SLC35D1: variants seen among roughly 807,000 people sequenced by gnomAD.
SLC35D1 encodes the protein solute carrier family 35 member D1, also known as nucleotide sugar transporter SLC35D1.
Under a neutral mutation model 46.7 loss-of-function variants are expected in SLC35D1, and 31 were observed. The ratio of observed to expected loss-of-function variants is 0.66; its 90% CI spans 0.50 to 0.90. The LOEUF (loss-of-function observed/expected upper bound fraction) is 0.90. SLC35D1 is among the 40% of genes least tolerant of loss of function. The probability of loss-of-function intolerance (pLI) is 0.00; values close to 1 mark genes in which losing one functional copy is unlikely to be tolerated. For synonymous variants in SLC35D1, 195 were observed against 164.6 expected, an observed-to-expected ratio of 1.18 and a Z score of -1.41; for missense variants, 397 against 426.2, an observed-to-expected ratio of 0.93 and a Z score of 0.60.
the SLC35D1 span, among the ~76,000 whole-genome samples, chr1:66,976,268 C>T: frequency 1.3e-5 from 2 of 152,230 alleles, no homozygotes; most frequent in Admixed American, 6.5e-5. Context: ...TCCCAAAGTG[C>T]TGGGATTACA....
the SLC35D1 span, among the ~76,000 whole-genome samples, chr1:66,993,317 T>C: frequency 6.6e-6 from 1 of 152,138 alleles, no homozygotes; most frequent in Non-Finnish European, 1.5e-5. Flanking sequence ...AGTTTGCAAT[T>C]TGTTGTACCA....
intron 8 of SLC35D1, among the ~76,000 whole-genome samples, chr1:67,041,773 C>A (rs1037416838): frequency 2.0e-5 from 3 of 151,748 alleles, no homozygotes; most frequent in African/African-American, 7.3e-5. Flanking sequence ...TGCTAAATAT[C>A]TCCTGAGAAA....
At chr1:66,979,341 C>T in the SLC35D1 span, among the ~76,000 whole-genome samples, 1 of 152,108 alleles carries the variant, frequency 6.6e-6, no homozygotes, top group Non-Finnish European at 1.5e-5. Context: ...TTTTCTCATC[C>T]TTCTTTTTAG....
intron 8 of SLC35D1, among the ~76,000 whole-genome samples, chr1:67,030,621 C>T (rs898722024): frequency 6.6e-6 from 1 of 151,782 alleles, no homozygotes; most frequent in Non-Finnish European, 1.5e-5. Flanking sequence ...ATCAGTGGTT[C>T]AGTAATCAGA....
chr1:66,977,572 A>G, the SLC35D1 span, among the ~76,000 whole-genome samples: 2 of 152,162 alleles, frequency 1.3e-5, no homozygotes, highest in African/African-American at 4.8e-5. Context: ...TCTTTATGTA[A>G]AATGTCTGAT....
the SLC35D1 span, chr1:66,982,034 A>G: frequency 2.3e-5 from 23 of 993,760 alleles, no homozygotes; most frequent in East Asian, 5.0e-5. Context: ...GTAAAAAATG[A>G]TAACACATGA....
At position 67,049,839 on chromosome 1, in the gene SLC35D1, G is replaced by T; in HGVS notation, c.476C>A (p.Ser159Tyr). The T allele has an allele frequency of 4.3e-6, 7 of 1,613,260 alleles. No homozygotes were observed. The highest frequency in any genetic ancestry group is 5.9e-6 in the Non-Finnish European group (7 of 1,179,600). Residue 159 changes from serine to tyrosine, a missense_variant, in exon 6 of 12, where the codon TCT (serine) becomes TAT (tyrosine). By Grantham distance (144) the Ser-to-Tyr change is moderately radical (BLOSUM62 -2). Transcript: ENST00000235345. The stretch of plus-strand genomic sequence containing the variant: ...AAATACAGTCATTTTAATACCCCAA[G>T]AAAAAGTCTTCCTACAAAACAAAAA... ...AEGVLLKKTF[S>Y]WGIKMTVFAM...
chr1:67,027,723 T>C (rs767732631), intron 8 of SLC35D1, among the ~76,000 whole-genome samples: 2 of 152,240 alleles, frequency 1.3e-5, no homozygotes, highest in South Asian at 2.1e-4. Flanking sequence ...TCCTATGTTG[T>C]AGTTTTTTTG....
the SLC35D1 span, chr1:66,988,475 T>C: frequency 6.6e-6 from 1 of 152,344 alleles, no homozygotes; most frequent in Non-Finnish European, 1.5e-5. Context: ...ACTCTTGTCA[T>C]GTACCCTTAG....
intron 4 of SLC35D1, among the ~76,000 whole-genome samples, chr1:67,051,486 T>C (rs961368213): frequency 6.6e-5 from 10 of 152,236 alleles, no homozygotes; most frequent in African/African-American, 2.4e-4. Context: ...ATTGCTTCTT[T>C]CTGAAAATAA....
At chr1:67,053,696 C>T (rs1645337207) in intron 1 of SLC35D1, 115 bp downstream of exon 1, 5 of 1,075,590 alleles carry the variant, frequency 4.6e-6, no homozygotes, top group Non-Finnish European at 6.1e-6. Context: ...CCCCAGCTCC[C>T]GCCCAACTTT....
chr1:67,043,976 G>GAA (rs1218258881), intron 7 of SLC35D1, among the ~76,000 whole-genome samples: 1 of 152,162 alleles, frequency 6.6e-6, no homozygotes, highest in Non-Finnish European at 1.5e-5. Flanking sequence ...TGACTGATGA[G>GAA]AAAAGTCGAA....
At chr1:67,027,372 TTTCTA>T (rs1253223773) in intron 8 of SLC35D1, among the ~76,000 whole-genome samples, 1 of 152,180 alleles carries the variant, frequency 6.6e-6, no homozygotes, top group African/African-American at 2.4e-5. Context: ...ATTGCATTGA[TTTCTA>T]TTCTTATCTT....
chr1:66,989,836 A>G, the SLC35D1 span, among the ~76,000 whole-genome samples: 1 of 152,248 alleles, frequency 6.6e-6, no homozygotes, highest in Non-Finnish European at 1.5e-5. Flanking sequence ...GATCAGGTAG[A>G]GAACTGCATC....
chr1:67,036,466 G>A (rs1668125185), intron 8 of SLC35D1, among the ~76,000 whole-genome samples: 1 of 151,816 alleles, frequency 6.6e-6, no homozygotes, highest in African/African-American at 2.4e-5. Flanking sequence ...TCCAGTGTTG[G>A]GTGCATATAT....
At chr1:67,018,085 A>G (rs1384065153) in intron 10 of SLC35D1, among the ~76,000 whole-genome samples, 1 of 152,194 alleles carries the variant, frequency 6.6e-6, no homozygotes, top group Admixed American at 6.5e-5. Context: ...TACATTGAAA[A>G]AGGCCAAAAA....
the SLC35D1 span, among the ~76,000 whole-genome samples, chr1:66,982,386 C>G: frequency 6.6e-6 from 1 of 152,140 alleles, no homozygotes. Context: ...AAGCCGGTAT[C>G]AACCTGTATA....
At position 67,003,347 on chromosome 1, in the gene SLC35D1, C is replaced by T. The variant is rs1023268711; in HGVS notation, c.*993G>A. 1 of 152,370 alleles carries T rather than the reference C, an allele frequency of 6.6e-6. No homozygotes were observed. Among genetic ancestry groups the T allele is most frequent in the African/African-American group, 2.4e-5 (1 of 41,452 alleles). 9.4% of individuals were successfully genotyped at this position (152,370 alleles called of 1,614,324 possible). A position where few individuals can be genotyped will look rare whatever the true frequency, so the allele number is the denominator to read the frequency against. ...TGCTGAGCTGCACTGGTTTACAAAACACAGCTCTTTACTTGTACCTCATCT... is the reference window on the plus strand; with the variant it reads ...TGCTGAGCTGCACTGGTTTACAAAATACAGCTCTTTACTTGTACCTCATCT... On this transcript the variant is annotated 3_prime_UTR_variant, in exon 12 of 12. Transcript: ENST00000235345.
At chr1:66,975,252 T>C in the SLC35D1 span, among the ~76,000 whole-genome samples, 1 of 152,190 alleles carries the variant, frequency 6.6e-6, no homozygotes, top group East Asian at 1.9e-4. Flanking sequence ...GTATTGCCGG[T>C]GCAGTGGCTC....
Sources: gnomAD v4.1 joint callset for allele counts (sites outside exome capture counted in the v4.1 genomes callset) on GRCh38, gnomAD v4.1.1 for gene constraint, MANE v1.5 for transcripts, NCBI Gene and HGNC (gene_info 2026-07-23, HGNC 2026-07-21) for gene names.